Variants in BYSL observed in about 807,000 individuals in gnomAD.
The protein encoded by BYSL is bystin.
In BYSL, 21 loss-of-function variants were observed where a neutral mutation model predicts 45.4. The ratio of observed to expected loss-of-function variants is 0.46; its 90% CI spans 0.33 to 0.67. The LOEUF (loss-of-function observed/expected upper bound fraction) is 0.67, where lower values mean the gene tolerates loss of function less well. Ranked by LOEUF, BYSL falls within the 30% of genes least tolerant of loss-of-function variation. BYSL has a pLI of 0.02. For missense variants in BYSL, 522 were observed against 578.5 expected, an observed-to-expected ratio of 0.90 and a Z score of 1.00; for synonymous variants, 215 against 231.3, an observed-to-expected ratio of 0.93 and a Z score of 0.64.
At chr6:41,917,066 C>T (rs1228080790), upstream of BYSL, 6 of 995,422 alleles carry the variant, frequency 6.0e-6, no homozygotes, top group South Asian at 3.9e-5. Flanking sequence ...CTACTCTGAC[C>T]GTCTCCCAAT....
intron 3 of BYSL, 104 bp downstream of exon 3, chr6:41,930,374 A>T (rs1048038800): frequency 3.5e-6 from 5 of 1,441,140 alleles, no homozygotes; most frequent in Admixed American, 2.5e-5. Context: ...TAAAGAAGTC[A>T]TGGGAGTAGA....
At chr6:41,911,176 A>C in the BYSL span, among the ~76,000 whole-genome samples, 1 of 148,262 alleles carries the variant, frequency 6.7e-6, no homozygotes, top group Admixed American at 6.7e-5. Flanking sequence ...TTTGAGACAG[A>C]GTCTCACTCT....
Position 41,931,776 on chromosome 6 carries a change from C to T in BYSL, c.914C>T (p.Ala305Val). The change falls in exon 6 of 7, where the codon GCC becomes GTC. Residue 305 changes from alanine to valine, a missense_variant. Transcript: ENST00000230340. Reference sequence around the variant, plus strand: ...TCTGGCACTTGTACCCTCCGGGAAGCCATCATTGTGGGTAGCATCATCACC... The same window carrying T: ...TCTGGCACTTGTACCCTCCGGGAAGTCATCATTGTGGGTAGCATCATCACC... Reference protein sequence around the residue: ...CESGTCTLREAIIVGSIITKC... With the variant: ...CESGTCTLREVIIVGSIITKC... 1 of 1,614,130 alleles carries T rather than the reference C, an allele frequency of 6.2e-7. No individual in the cohort carries two copies.
intron 1 of BYSL, among the ~76,000 whole-genome samples, chr6:41,924,174 C>G (rs1011043890): frequency 1.3e-5 from 2 of 151,868 alleles, no homozygotes; most frequent in African/African-American, 4.8e-5. Flanking sequence ...GATTCTCCTG[C>G]CTCAGCCTCC....
intron 1 of BYSL, 135 bp downstream of exon 1, chr6:41,921,965 C>G: frequency 7.6e-7 from 1 of 1,309,224 alleles, no homozygotes; most frequent in Non-Finnish European, 1.0e-6. Flanking sequence ...GGAGACTGAA[C>G]CCTGTCTAGA....
Position 41,930,736 on chromosome 6 carries a change from C to T in BYSL, c.672C>T (p.Ala224=), listed in dbSNP as rs1408215814. 4.3e-6 allele frequency: 7 copies of T among 1,613,910 alleles called. No homozygotes were observed. Among genetic ancestry groups the T allele is most frequent in the Non-Finnish European group, 5.9e-6 (7 of 1,179,952 alleles). The change falls in exon 4 of 7, where the codon GCC becomes GCT. Residue 224 remains alanine, a synonymous_variant. Coordinates refer to ENST00000230340, the MANE Select transcript of BYSL (RefSeq NM_004053.4). ...TCCTCTACGTCACAGAGCCGGAGGCCTGGACTGCAGCTGCCATGTACCAGG... is the reference window on the plus strand; with the variant it reads ...TCCTCTACGTCACAGAGCCGGAGGCTTGGACTGCAGCTGCCATGTACCAGG... ...EQILYVTEPE[A]WTAAAMYQAT...
upstream of BYSL, chr6:41,917,399 T>TAA (rs1236182311): frequency 4.3e-4 from 69 of 159,030 alleles, no homozygotes; most frequent in South Asian, 1.8e-3. Context: ...GACGCCATCT[T>TAA]AAAAAAAAAA....
upstream of BYSL, among the ~76,000 whole-genome samples, chr6:41,919,835 A>C (rs1247788498): frequency 6.6e-6 from 1 of 152,184 alleles, no homozygotes; most frequent in Non-Finnish European, 1.5e-5. Context: ...TCCATTCCTC[A>C]CATATCTTGC....
chr6:41,925,282 C>T (rs1459840115), intron 1 of BYSL, among the ~76,000 whole-genome samples: 1 of 152,162 alleles, frequency 6.6e-6, no homozygotes, highest in African/African-American at 2.4e-5. Context: ...TTATAGCTCC[C>T]CACTTGGATT....
upstream of BYSL, chr6:41,918,011 A>G (rs1349239892): frequency 7.3e-6 from 2 of 274,180 alleles, no homozygotes; most frequent in Non-Finnish European, 1.6e-5. Flanking sequence ...AGAATGGAAC[A>G]AAACAAAAAA....
intron 2 of BYSL, 40 bp from the exon 3 acceptor site, chr6:41,930,092 T>TG: frequency 6.2e-7 from 1 of 1,612,226 alleles, no homozygotes; most frequent in Non-Finnish European, 8.5e-7. Context: ...CAGTGCTCCT[T>TG]GCCCCCTCTC....
upstream of BYSL, chr6:41,916,986 T>C: frequency 1.2e-6 from 2 of 1,607,922 alleles, no homozygotes; most frequent in Non-Finnish European, 1.7e-6. Context: ...GACACACGTG[T>C]GCTCACTGAG....
chr6:41,910,944 A>C, the BYSL span, among the ~76,000 whole-genome samples: 1 of 151,628 alleles, frequency 6.6e-6, no homozygotes, highest in Non-Finnish European at 1.5e-5. Flanking sequence ...CCTCGTGTCT[A>C]CTAAAAACAC....
intron 2 of BYSL, among the ~76,000 whole-genome samples, chr6:41,927,843 G>GT (rs759121336): frequency 6.6e-6 from 1 of 152,138 alleles, no homozygotes; most frequent in Non-Finnish European, 1.5e-5. Flanking sequence ...GGTATTCTTA[G>GT]TTTTTTTAGC....
At chr6:41,911,821 C>T in the BYSL span, among the ~76,000 whole-genome samples, 1 of 152,150 alleles carries the variant, frequency 6.6e-6, no homozygotes, top group African/African-American at 2.4e-5. Context: ...CCTGTCACCT[C>T]ATTCTAAATC....
In BYSL at chr6:41,931,513, G is replaced by C. The variant is rs1219844179; in HGVS notation, c.822G>C (p.Met274Ile). 1 of 1,614,148 alleles carries C rather than the reference G, an allele frequency of 6.2e-7. No homozygotes were observed. Among genetic ancestry groups the C allele is most frequent in the South Asian group, 1.1e-5 (1 of 91,080 alleles). The change falls in exon 5 of 7, where the codon ATG becomes ATC. Residue 274 changes from methionine (M) to isoleucine (I), a missense_variant. By Grantham distance (10) the Met-to-Ile change is conservative. Transcript: ENST00000230340. ...AACGACTCAACTTCCATCTCTACAT[G>C]GCTCTCAAGAAGGCCCTTTTCAAAC... ...EYKRLNFHLY[M>I]ALKKALFKPG...
chr6:41,930,410 T>C, intron 3 of BYSL, 140 bp downstream of exon 3: 1 of 1,292,504 alleles, frequency 7.7e-7, no homozygotes, highest in Non-Finnish European at 1.0e-6. Context: ...GCAGAGTGTG[T>C]GGGTTCAGAT....
the BYSL span, among the ~76,000 whole-genome samples, chr6:41,916,367 G>A: frequency 6.6e-6 from 1 of 152,124 alleles, no homozygotes; most frequent in Non-Finnish European, 1.5e-5. Context: ...ATCACCTGAG[G>A]TCGGGAGTTC....
chr6:41,931,073 G>A (rs537543643), intron 4 of BYSL, among the ~76,000 whole-genome samples: 1 of 88,778 alleles, frequency 1.1e-5, no homozygotes, highest in Non-Finnish European at 2.4e-5. Context: ...ATACAACCCT[G>A]TAGCAGGACC....
Sources: gnomAD v4.1 joint callset for allele counts (sites outside exome capture counted in the v4.1 genomes callset) on GRCh38, gnomAD v4.1.1 for gene constraint, MANE v1.5 for transcripts, NCBI Gene and HGNC (gene_info 2026-07-23, HGNC 2026-07-21) for gene names.